The following WNT7A variants were observed in gnomAD, a reference collection of about 807,000 sequenced individuals.
WNT7A encodes the protein protein Wnt-7a.
In WNT7A, 16 loss-of-function variants were observed where a neutral mutation model predicts 28.2. That is an observed-to-expected ratio of 0.57 (90% CI 0.38 to 0.86). The LOEUF is 0.86. WNT7A is among the 40% of genes least tolerant of loss of function. The probability of loss-of-function intolerance (pLI) is 0.00; values close to 1 mark genes in which losing one functional copy is unlikely to be tolerated. For synonymous variants in WNT7A, 190 were observed against 195.9 expected (o/e 0.97, Z 0.25); for missense variants, 411 against 489.7 (o/e 0.84, Z 1.52).
chr3:13,865,467 C>T (rs1230781805), intron 2 of WNT7A, among the ~76,000 whole-genome samples: 2 of 152,112 alleles, frequency 1.3e-5, no homozygotes, highest in African/African-American at 2.4e-5. Flanking sequence ...GGATAGCTAA[C>T]AGGATGGTTG....
Position 13,848,293 on chromosome 3 carries a change from T to A in WNT7A, c.570+6239A>T, listed in dbSNP as rs1694572862. ...TATGAAGATGATAAAAAAGACAAGCTACAGTCTGGGAAAACATATTTGCCA... is the reference window on the plus strand; with the variant it reads ...TATGAAGATGATAAAAAAGACAAGCAACAGTCTGGGAAAACATATTTGCCA... On this transcript the variant is annotated intron_variant, in intron 3 of 3. Coordinates refer to ENST00000285018, the MANE Select transcript of WNT7A (RefSeq NM_004625.4). Among the ~76,000 whole-genome samples the A allele has an allele frequency of 3.3e-5, 5 of 152,302 alleles. No homozygotes were observed. The South Asian group carries it at 1.0e-3, about 32-fold the overall frequency.
intron 2 of WNT7A, among the ~76,000 whole-genome samples, chr3:13,866,891 C>G (rs1029345894): frequency 3.3e-5 from 5 of 152,096 alleles, no homozygotes; most frequent in African/African-American, 1.2e-4. Flanking sequence ...TGTCATTGTC[C>G]AGGCAACAAG....
At chr3:13,823,850 C>T (rs1283218432) in intron 3 of WNT7A, among the ~76,000 whole-genome samples, 1 of 152,152 alleles carries the variant, frequency 6.6e-6, no homozygotes, top group East Asian at 1.9e-4. Context: ...GAGTTATTCC[C>T]CCTGGTTGCT....
At chr3:13,871,533 AC>A (rs1347872580) in intron 2 of WNT7A, among the ~76,000 whole-genome samples, 1 of 150,180 alleles carries the variant, frequency 6.7e-6, no homozygotes, top group Non-Finnish European at 1.5e-5. Context: ...TTAGGTTGTC[AC>A]CCTCCCTCCC....
In WNT7A at chr3:13,878,525, G is replaced by C. The variant is rs1470274029; in HGVS notation, c.71+1221C>G. On this transcript the variant is annotated intron_variant, in intron 1 of 3. Transcript: ENST00000285018. ...CCCCGCAGCCGCCTCTCCGCCGCTG[G>C]TCGGGCTGGCGGCCCCTGGTCGGCT... Among the ~76,000 whole-genome samples the C allele has an allele frequency of 2.0e-5, 3 of 152,166 alleles. No individual in the cohort carries two copies. The South Asian group carries it at 6.2e-4, about 32-fold the overall frequency.
intron 1 of WNT7A, among the ~76,000 whole-genome samples, chr3:13,878,201 G>A: frequency 6.6e-6 from 1 of 152,036 alleles, no homozygotes; most frequent in East Asian, 1.9e-4. Flanking sequence ...AGGGCGGCCC[G>A]CGGGCGGGCG....
At chr3:13,851,642 T>C (rs1694639806) in intron 3 of WNT7A, among the ~76,000 whole-genome samples, 1 of 152,188 alleles carries the variant, frequency 6.6e-6, no homozygotes, top group South Asian at 2.1e-4. Flanking sequence ...AGACTGAACG[T>C]CTAGTCTTGA....
chr3:13,873,029 G>A (rs910637236), intron 2 of WNT7A, among the ~76,000 whole-genome samples: 2 of 152,180 alleles, frequency 1.3e-5, no homozygotes, highest in Non-Finnish European at 2.9e-5. Flanking sequence ...GTGTGTCTGT[G>A]TGTGTTATCT....
At chr3:13,869,050 GAA>G (rs1694984847) in intron 2 of WNT7A, among the ~76,000 whole-genome samples, 2 of 149,366 alleles carry the variant, frequency 1.3e-5, no homozygotes, top group East Asian at 2.0e-4. Flanking sequence ...GAGAAAGGGA[GAA>G]AGAGAGAGAG....
At chr3:13,830,606 G>A (rs1694266642) in intron 3 of WNT7A, among the ~76,000 whole-genome samples, 2 of 152,102 alleles carry the variant, frequency 1.3e-5, no homozygotes, top group African/African-American at 4.8e-5. Flanking sequence ...GAGGGCAGGA[G>A]AAGATACAGG....
intron 2 of WNT7A, 131 bp downstream of exon 2, chr3:13,874,816 G>A: frequency 1.1e-6 from 1 of 922,050 alleles, no homozygotes; most frequent in South Asian, 1.4e-5. Context: ...GCAAGTCAAT[G>A]CACCTGCAGG....
At chr3:13,839,396 G>A (rs555705119) in intron 3 of WNT7A, among the ~76,000 whole-genome samples, 61 of 152,358 alleles carry the variant, frequency 4.0e-4, no homozygotes, top group African/African-American at 1.2e-3. Flanking sequence ...AGCCCAGCCC[G>A]TAACAGGTGA....
rs763160045 is a variant in WNT7A, at chr3:13,868,581, AGAGAGAGAGG to A, written c.298+6356_298+6365del. On this transcript the variant is annotated intron_variant, in intron 2 of 3. Transcript: ENST00000285018. ...AAGGGGGAGAGAGAGAGAGAGAGAG[AGAGAGAGAGG>A]GAGAAAGAAAGAAAGAAAGAGAGAG... is the stretch of plus-strand genomic sequence containing the variant. Among the ~76,000 whole-genome samples the A allele has an allele frequency of 9.0e-3, 180 of 19,984 alleles. 13 individuals carry two copies. The highest frequency in any genetic ancestry group is 0.028 in the African/African-American group (104 of 3,670). The allele number at this position is 19,984 out of a possible 152,430, so 13.1% of individuals were successfully genotyped here.
chr3:13,825,840 G>A (rs1323079996), intron 3 of WNT7A, among the ~76,000 whole-genome samples: 4 of 152,208 alleles, frequency 2.6e-5, no homozygotes, highest in South Asian at 2.1e-4. Flanking sequence ...ATCTGCCCAA[G>A]CCTGCTCCTC....
intron 2 of WNT7A, among the ~76,000 whole-genome samples, chr3:13,866,164 C>A (rs1694907093): frequency 1.3e-5 from 2 of 152,230 alleles, no homozygotes; most frequent in South Asian, 4.1e-4. Flanking sequence ...CCTGTGATGT[C>A]CCTACATCCA....
chr3:13,819,546 C>T, intron 3 of WNT7A, 123 bp from the exon 4 acceptor site: 1 of 1,332,954 alleles, frequency 7.5e-7, no homozygotes, highest in Non-Finnish European at 9.7e-7. Flanking sequence ...TTAGTTTTTT[C>T]TTTCTGGTGT....
intron 2 of WNT7A, among the ~76,000 whole-genome samples, chr3:13,869,939 A>G (rs900001833): frequency 5.3e-5 from 8 of 152,100 alleles, no homozygotes; most frequent in Non-Finnish European, 8.8e-5. Flanking sequence ...GCTCATTCCC[A>G]CCATAGCTCT....
chr3:13,858,663 C>T lies in WNT7A; in HGVS notation c.299-3860G>A, dbSNP rs886795819. On this transcript the variant is annotated intron_variant, in intron 2 of 3. Coordinates refer to ENST00000285018, the MANE Select transcript of WNT7A (RefSeq NM_004625.4). ...GCCTTCCCCTCCCCACCAAGCTGGG[C>T]TTCCTCAGCACCCACTGCCCCTGAC... 3.9e-5 allele frequency among the ~76,000 whole-genome samples: 6 copies of T among 152,270 alleles called. No individual in the cohort carries two copies. The East Asian group carries it at 7.7e-4, about 20-fold the overall frequency.
At chr3:13,848,735 C>T (rs1168131489) in intron 3 of WNT7A, among the ~76,000 whole-genome samples, 3 of 152,136 alleles carry the variant, frequency 2.0e-5, no homozygotes, top group Non-Finnish European at 4.4e-5. Flanking sequence ...TGCTCTTGGA[C>T]ATTTATTCTA....
Sources: gnomAD v4.1 joint callset for allele counts (sites outside exome capture counted in the v4.1 genomes callset) on GRCh38, gnomAD v4.1.1 for gene constraint, MANE v1.5 for transcripts, NCBI Gene and HGNC (gene_info 2026-07-23, HGNC 2026-07-21) for gene names.